TRPM3: variants seen among roughly 807,000 people sequenced by gnomAD.
TRPM3 encodes transient receptor potential cation channel subfamily M member 3.
A neutral mutation model predicts 181.2 loss-of-function variants in TRPM3; 77 were observed. The observed-to-expected ratio is 0.42, with a 90% CI of 0.35 to 0.51. The LOEUF is 0.51. Ranked by LOEUF, TRPM3 falls within the 20% of genes least tolerant of loss-of-function variation. The probability of loss-of-function intolerance (pLI) is 0.01; values close to 1 mark genes in which losing one functional copy is unlikely to be tolerated. For missense variants in TRPM3, 1,759 were observed against 2,196.7 expected, an observed-to-expected ratio of 0.80 and a Z score of 3.98; for synonymous variants, 745 against 796.4, an observed-to-expected ratio of 0.94 and a Z score of 1.09.
chr9:70,853,303 GTTC>G (rs2095293462), intron 3 of TRPM3, among the ~76,000 whole-genome samples: 1 of 152,192 alleles, frequency 6.6e-6, no homozygotes, highest in Admixed American at 6.5e-5. Flanking sequence ...AGATGGGGCT[GTTC>G]TTCTCTAATT....
chr9:70,863,587 T>C (rs1314791866), intron 2 of TRPM3, among the ~76,000 whole-genome samples: 1 of 152,188 alleles, frequency 6.6e-6, no homozygotes, highest in African/African-American at 2.4e-5. Flanking sequence ...TGACATTTGC[T>C]GTCAAATATC....
At chr9:71,119,306 A>T (rs2073112343) in intron 1 of TRPM3, among the ~76,000 whole-genome samples, 1 of 152,206 alleles carries the variant, frequency 6.6e-6, no homozygotes, top group Non-Finnish European at 1.5e-5. Flanking sequence ...CACTTTATTC[A>T]ATAAATTATT....
chr9:70,553,028 T>C lies in TRPM3; in HGVS notation c.3390A>G (p.Glu1130=). 1 of 1,614,162 alleles carries C rather than the reference T, an allele frequency of 6.2e-7. No individual in the cohort carries two copies. The highest frequency in any genetic ancestry group is 8.5e-7 in the Non-Finnish European group (1 of 1,180,026). ...LIAVFNNTFF[E]VKSISNQVWK... ...AGACTTGGTTGGATATCGATTTTAC[T>C]TCAAAAAATGTATTGCTAAAATAGA... The change falls in exon 24 of 26, where the codon GAA becomes GAG. Residue 1130 remains glutamate (E), a synonymous_variant. Coordinates refer to ENST00000677713, the MANE Select transcript of TRPM3 (RefSeq NM_001366145.2).
chr9:70,933,336 G>T (rs751530558), intron 1 of TRPM3, among the ~76,000 whole-genome samples: 9 of 152,120 alleles, frequency 5.9e-5, no homozygotes, highest in Non-Finnish European at 8.8e-5. Flanking sequence ...GAGAGTAAAG[G>T]GTAAGAGGAG....
chr9:70,665,198 G>GT (rs1239346426), intron 9 of TRPM3, among the ~76,000 whole-genome samples: 72 of 127,778 alleles, frequency 5.6e-4, no homozygotes, highest in African/African-American at 2.0e-3. Flanking sequence ...ATTCAGCATT[G>GT]TTTGTTTTTT....
At chr9:70,801,751 T>A (rs1006678828) in intron 6 of TRPM3, among the ~76,000 whole-genome samples, 1 of 151,948 alleles carries the variant, frequency 6.6e-6, no homozygotes, top group Admixed American at 6.6e-5. Flanking sequence ...CCACCAAGGA[T>A]CTATTTGATT....
chr9:71,444,311 T>C (rs1293322362), intron 1 of TRPM3, among the ~76,000 whole-genome samples: 1 of 151,762 alleles, frequency 6.6e-6, no homozygotes, highest in Non-Finnish European at 1.5e-5. Flanking sequence ...GAGTAACAAA[T>C]GTCACATTAA....
intron 1 of TRPM3, among the ~76,000 whole-genome samples, chr9:71,268,822 C>CA (rs112198962): frequency 0.018 from 2,769 of 151,442 alleles, 92 homozygotes; most frequent in African/African-American, 0.063. Context: ...GCTCCATCTC[C>CA]AAAAAAAGTT....
At chr9:71,265,957 C>T (rs1364587474) in intron 1 of TRPM3, among the ~76,000 whole-genome samples, 1 of 152,160 alleles carries the variant, frequency 6.6e-6, no homozygotes, top group African/African-American at 2.4e-5. Context: ...GGATGAATAA[C>T]CTATCTTGCC....
chr9:70,695,845 G>C (rs544015449), intron 8 of TRPM3, among the ~76,000 whole-genome samples: 210 of 152,278 alleles, frequency 1.4e-3, no homozygotes, highest in African/African-American at 4.7e-3. Flanking sequence ...ATACCACATG[G>C]AGAACCATGC....
intron 1 of TRPM3, among the ~76,000 whole-genome samples, chr9:71,295,292 A>G (rs1421392183): frequency 6.6e-6 from 1 of 152,142 alleles, no homozygotes; most frequent in Non-Finnish European, 1.5e-5. Flanking sequence ...GTGAATAGAA[A>G]TTAAAAATTA....
chr9:70,894,702 C>T (rs1353132662), intron 1 of TRPM3, among the ~76,000 whole-genome samples: 1 of 152,150 alleles, frequency 6.6e-6, no homozygotes, highest in Non-Finnish European at 1.5e-5. Flanking sequence ...TCTATTTGGG[C>T]TGTCATACAG....
At chr9:70,614,705 G>A (rs183791732) in intron 18 of TRPM3, among the ~76,000 whole-genome samples, 12 of 152,254 alleles carry the variant, frequency 7.9e-5, no homozygotes, top group African/African-American at 2.6e-4. Flanking sequence ...TATTGTTCCT[G>A]TGTTTGAGGT....
chr9:70,883,012 G>A (rs1396830373), intron 1 of TRPM3, among the ~76,000 whole-genome samples: 2 of 152,194 alleles, frequency 1.3e-5, no homozygotes. Context: ...TGTGTTTCCT[G>A]TAACATAATA....
intron 1 of TRPM3, among the ~76,000 whole-genome samples, chr9:71,238,339 A>G (rs913923765): frequency 1.3e-5 from 2 of 152,086 alleles, no homozygotes; most frequent in South Asian, 2.1e-4. Flanking sequence ...CTCTCTGCCT[A>G]CTCCAAGTGA....
At chr9:71,398,313 T>C (rs2093249425) in intron 1 of TRPM3, among the ~76,000 whole-genome samples, 1 of 152,236 alleles carries the variant, frequency 6.6e-6, no homozygotes, top group South Asian at 2.1e-4. Context: ...ATCTATAAAA[T>C]AGGATTAATA....
At chr9:71,208,497 T>A (rs2131781567) in intron 1 of TRPM3, among the ~76,000 whole-genome samples, 1 of 152,316 alleles carries the variant, frequency 6.6e-6, no homozygotes, top group South Asian at 2.1e-4. Context: ...GTGTTGGTAT[T>A]CTTAAGAATA....
At chr9:71,270,193 T>C (rs544264715) in intron 1 of TRPM3, among the ~76,000 whole-genome samples, 5 of 152,186 alleles carry the variant, frequency 3.3e-5, no homozygotes, top group Admixed American at 1.3e-4. Flanking sequence ...CTACTAAAAA[T>C]GCAAAAATTA....
chr9:70,797,072 G>A (rs1034991754), intron 6 of TRPM3, among the ~76,000 whole-genome samples: 3 of 152,216 alleles, frequency 2.0e-5, no homozygotes, highest in Non-Finnish European at 4.4e-5. Flanking sequence ...CGAGGCTGAA[G>A]TGAGCTGTGA....
Sources: gnomAD v4.1 joint callset for allele counts (sites outside exome capture counted in the v4.1 genomes callset) on GRCh38, gnomAD v4.1.1 for gene constraint, MANE v1.5 for transcripts, NCBI Gene and HGNC (gene_info 2026-07-23, HGNC 2026-07-21) for gene names.